The following PCDHA8 variants were observed in gnomAD, a reference collection of about 807,000 sequenced individuals.
PCDHA8 encodes protocadherin alpha-8.
In PCDHA8, 53 loss-of-function variants were observed where a neutral mutation model predicts 61.8. The observed-to-expected ratio is 0.86, with a 90% CI of 0.69 to 1.08. The LOEUF (loss-of-function observed/expected upper bound fraction) is 1.08, where lower values mean the gene tolerates loss of function less well. Among genes scored for constraint, PCDHA8 ranks in the 50% least tolerant of loss-of-function variants. PCDHA8 has a pLI of 0.00. For missense variants in PCDHA8, 1,293 were observed against 1,245.0 expected (o/e 1.04, Z -0.58); for synonymous variants, 618 against 556.6 (o/e 1.11, Z -1.55).
rs184346855 is a variant in PCDHA8 at position 140,854,945 on chromosome 5, A to C, written c.2394+11230A>C. 2.0e-5 allele frequency among the ~76,000 whole-genome samples: 3 copies of C among 150,054 alleles called. 1 individual carries two copies. Among genetic ancestry groups the C allele is most frequent in the African/African-American group, 7.3e-5 (3 of 41,022 alleles). ...TTTGCCTCTGAAAGCAGAAATAATA[A>C]ATTTCTTAATTACTTTATTCAGAAT... On this transcript the variant is annotated intron_variant, in intron 1 of 3. Transcript: ENST00000531613.
At chr5:140,875,391 A>G (rs1582202337) in intron 1 of PCDHA8, 2 of 1,472,582 alleles carry the variant, frequency 1.4e-6, no homozygotes, top group African/African-American at 2.8e-5. Flanking sequence ...ACTTACAGAA[A>G]AGGGTGACTG....
rs2150364800 is a variant in PCDHA8 at position 140,843,674 on chromosome 5, G to A, written c.2353G>A (p.Val785Ile). ...TCCTCCTGATCTGGGATCAGTTGAT[G>A]TAGGCGAAGAGCAAGATTTAAATGT... Reference protein sequence around the residue: ...CLPPDLGSVDVGEEQDLNVDH... With the variant: ...CLPPDLGSVDIGEEQDLNVDH... The change falls in exon 1 of 4, where the codon GTA (valine) becomes ATA (isoleucine). Residue 785 changes from valine (V) to isoleucine (I), a missense_variant. By Grantham distance (29) the Val-to-Ile change is conservative. Transcript: ENST00000531613. The A allele has an allele frequency of 1.0e-5, 16 of 1,592,324 alleles. No individual in the cohort carries two copies. The highest frequency in any genetic ancestry group is 1.7e-4 in the Middle Eastern group (1 of 6,010).
intron 3 of PCDHA8, among the ~76,000 whole-genome samples, chr5:140,991,620 T>C (rs2097462467): frequency 6.6e-6 from 1 of 152,212 alleles, no homozygotes; most frequent in Non-Finnish European, 1.5e-5. Flanking sequence ...TTTAATGCCA[T>C]ATTTGTAATA....
At chr5:140,849,085 G>A (rs2040774319) in intron 1 of PCDHA8, 2 of 1,513,328 alleles carry the variant, frequency 1.3e-6, no homozygotes, top group South Asian at 2.3e-5. Context: ...CTTGTATTAC[G>A]GAAACTTTTA....
intron 1 of PCDHA8, among the ~76,000 whole-genome samples, chr5:140,965,168 T>A (rs1484687706): frequency 6.6e-6 from 1 of 152,180 alleles, no homozygotes; most frequent in Non-Finnish European, 1.5e-5. Context: ...GACGTTTTAG[T>A]GAGTGCTTTT....
At chr5:140,879,086 A>G (rs1182722619) in intron 1 of PCDHA8, among the ~76,000 whole-genome samples, 2 of 152,226 alleles carry the variant, frequency 1.3e-5, no homozygotes, top group Admixed American at 6.5e-5. Context: ...ATAAGTAGGA[A>G]CAACTGCACA....
chr5:140,942,237 T>C (rs2153657846), intron 1 of PCDHA8, among the ~76,000 whole-genome samples: 1 of 152,214 alleles, frequency 6.6e-6, no homozygotes, highest in East Asian at 1.9e-4. Context: ...GCAAATAAGA[T>C]ATCCATATCA....
At chr5:140,896,087 A>T (rs2065366348) in intron 1 of PCDHA8, among the ~76,000 whole-genome samples, 1 of 152,218 alleles carries the variant, frequency 6.6e-6, no homozygotes, top group East Asian at 1.9e-4. Flanking sequence ...CTGGGATTAC[A>T]GGCGTGAGCC....
chr5:140,870,836 A>G (rs375475405), intron 1 of PCDHA8: 3 of 1,613,796 alleles, frequency 1.9e-6, no homozygotes, highest in Non-Finnish European at 2.5e-6. Flanking sequence ...GCAGTTAACA[A>G]GCTAGTACCG....
rs536640692 is a variant in PCDHA8 at position 140,927,687 on chromosome 5, T to TG, written c.2395-51258dup. ...CCTTGGATCCAGATGAAGGGTCCAATGGGGAAGTCCAGTACTCCCTAAGCA... is the reference window on the plus strand; with the variant it reads ...CCTTGGATCCAGATGAAGGGTCCAATGGGGGAAGTCCAGTACTCCCTAAGCA... On this transcript the variant is annotated intron_variant, in intron 1 of 3. Coordinates refer to ENST00000531613, the MANE Select transcript of PCDHA8 (RefSeq NM_018911.3). The TG allele has an allele frequency of 3.2e-4, 518 of 1,614,158 alleles. 3 individuals carry two copies. In the Middle Eastern group the frequency reaches 0.011, roughly 35 times the overall value.
intron 1 of PCDHA8, among the ~76,000 whole-genome samples, chr5:140,912,146 T>G (rs1248730371): frequency 6.6e-6 from 1 of 152,202 alleles, no homozygotes; most frequent in Admixed American, 6.5e-5. Flanking sequence ...CATGTTCTTC[T>G]GCCTGTTTTT....
chr5:141,004,414 C>A (rs2153980954), intron 3 of PCDHA8, among the ~76,000 whole-genome samples: 1 of 152,330 alleles, frequency 6.6e-6, no homozygotes, highest in Non-Finnish European at 1.5e-5. Context: ...CTGACTAGAT[C>A]TCTGCCTCCT....
intron 1 of PCDHA8, chr5:140,884,705 C>G (rs1156324848): frequency 3.4e-6 from 5 of 1,491,236 alleles, no homozygotes; most frequent in African/African-American, 1.4e-5. Flanking sequence ...AACACTTTAG[C>G]CTTCCTTGCA....
chr5:140,990,518 T>G (rs2097397992), intron 3 of PCDHA8, among the ~76,000 whole-genome samples: 1 of 152,314 alleles, frequency 6.6e-6, no homozygotes, highest in South Asian at 2.1e-4. Context: ...CTCTCTTGTC[T>G]TTTTTGACTG....
chr5:140,995,998 C>T (rs1197239441), intron 3 of PCDHA8, among the ~76,000 whole-genome samples: 1 of 152,192 alleles, frequency 6.6e-6, no homozygotes, highest in Non-Finnish European at 1.5e-5. Context: ...TCAAAAATGT[C>T]GTCAGAACTA....
At chr5:140,982,658 C>G (rs530615346) in intron 3 of PCDHA8, 95 bp downstream of exon 3, 2 of 1,487,730 alleles carry the variant, frequency 1.3e-6, no homozygotes, top group East Asian at 4.9e-5. Context: ...GGCTCTTTTT[C>G]TTTTATATTT....
chr5:140,884,123 C>A (rs1360744073), intron 1 of PCDHA8: 4 of 1,613,232 alleles, frequency 2.5e-6, no homozygotes, highest in Non-Finnish European at 3.4e-6. Context: ...GGTCGGCGCG[C>A]GCATCCCGTT....
chr5:141,010,282 A>C lies in PCDHA8; in HGVS notation c.*345A>C, dbSNP rs375556483. The C allele has an allele frequency of 6.4e-7, 1 of 1,551,130 alleles. No homozygotes were observed. Among genetic ancestry groups the C allele is most frequent in the Admixed American group, 2.0e-5 (1 of 50,878 alleles). On this transcript the variant is annotated 3_prime_UTR_variant, in exon 4 of 4. Transcript: ENST00000531613. ...GTGCTCCGGGGATCCTGTCTTGATGACACTTGCAGGGCAGGCTGAAAAGTT... is the reference window on the plus strand; with the variant it reads ...GTGCTCCGGGGATCCTGTCTTGATGCCACTTGCAGGGCAGGCTGAAAAGTT...
chr5:140,996,737 T>G (rs887382236), intron 3 of PCDHA8, among the ~76,000 whole-genome samples: 3 of 152,166 alleles, frequency 2.0e-5, no homozygotes, highest in Non-Finnish European at 2.9e-5. Context: ...ACAAAAGTCA[T>G]AACAAATTAT....
Sources: gnomAD v4.1 joint callset for allele counts (sites outside exome capture counted in the v4.1 genomes callset) on GRCh38, gnomAD v4.1.1 for gene constraint, MANE v1.5 for transcripts, NCBI Gene and HGNC (gene_info 2026-07-23, HGNC 2026-07-21) for gene names.